Variants in HMCN2 observed in about 807,000 individuals in gnomAD.
HMCN2 encodes the protein hemicentin 2, also known as hemicentin-2.
HMCN2 carries 325 observed loss-of-function variants against 377.5 expected under a neutral mutation model. The ratio of observed to expected loss-of-function variants is 0.86; its 90% confidence interval spans 0.79 to 0.94. The LOEUF (loss-of-function observed/expected upper bound fraction) is 0.94, where lower values mean the gene tolerates loss of function less well. Among genes scored for constraint, HMCN2 ranks in the 40% least tolerant of loss-of-function variants. The pLI is 0.00. For missense variants in HMCN2, 4,543 were observed against 4,725.3 expected, an observed-to-expected ratio of 0.96 and a Z score of 1.13; for synonymous variants, 2,007 against 2,046.8, an observed-to-expected ratio of 0.98 and a Z score of 0.53.
chr9:130,400,145 C>G (rs143923739), intron 76 of HMCN2: 3 of 152,524 alleles, frequency 2.0e-5, no homozygotes, highest in African/African-American at 7.2e-5. Context: ...CCCTTCAGAT[C>G]GCAGGTTAAA....
chr9:130,265,956 C>T lies in HMCN2; in HGVS notation c.78C>T (p.Pro26=), dbSNP rs558111121. The T allele has an allele frequency of 2.0e-5, 9 of 454,692 alleles. No individual in the cohort carries two copies. The highest frequency in any genetic ancestry group is 9.7e-5 in the Admixed American group (4 of 41,256). The allele number at this position is 454,692 out of a possible 1,614,324, so 28.2% of individuals were successfully genotyped here. A position where few individuals can be genotyped will look rare whatever the true frequency, so the allele number is the denominator to read the frequency against. The stretch of plus-strand genomic sequence containing the variant: ...TGGCAGTGGCAGTGGCCGGGGCGCC[C>T]GGGACGGTAATGCCCCCCACCACGG... ...AAVAVAVAGA[P]GTVMPPTTGD... The change falls in exon 1 of 98, where the codon CCC becomes CCT. Residue 26 remains proline, a synonymous_variant. Transcript: ENST00000683500.
At chr9:130,334,745 TTTCTCTCTCTCTCTTC>T (rs1838636568) in intron 22 of HMCN2, among the ~76,000 whole-genome samples, 69 of 118,938 alleles carry the variant, frequency 5.8e-4, no homozygotes, top group African/African-American at 2.0e-3. Flanking sequence ...TCTCTTTCTC[TTTCTCTCTCTCTCTTC>T]TCTCTCTCTC....
At chr9:130,433,272 G>A (rs1844870448) in intron 97 of HMCN2, 76 bp from the exon 98 acceptor site, 1 of 1,199,340 alleles carries the variant, frequency 8.3e-7, no homozygotes, top group Non-Finnish European at 1.1e-6. Context: ...TGGCAGGGAG[G>A]TCTGAGTTAC....
intron 85 of HMCN2, among the ~76,000 whole-genome samples, chr9:130,416,604 G>A (rs930264114): frequency 1.3e-5 from 2 of 152,134 alleles, no homozygotes; most frequent in East Asian, 1.9e-4. Flanking sequence ...AGTGATGGGC[G>A]GTTAAGAACA....
chr9:130,266,427 T>C (rs889225380), intron 1 of HMCN2, among the ~76,000 whole-genome samples: 1 of 152,030 alleles, frequency 6.6e-6, no homozygotes, highest in South Asian at 2.1e-4. Context: ...TTCCCGCGCC[T>C]TACCGGCCCC....
At chr9:130,370,819 G>C (rs1470925078) in intron 45 of HMCN2, 145 bp from the exon 46 acceptor site, 1 of 370,690 alleles carries the variant, frequency 2.7e-6, no homozygotes, top group Non-Finnish European at 3.7e-6. Flanking sequence ...CTCACTTTAG[G>C]GGGAGCAGCT....
At position 130,433,724 on chromosome 9, in the gene HMCN2, G is replaced by A; in HGVS notation, c.*31G>A. The A allele has an allele frequency of 1.4e-6, 2 of 1,410,366 alleles. No homozygotes were observed. The highest frequency in any genetic ancestry group is 1.9e-6 in the Non-Finnish European group (2 of 1,079,832). The allele number at this position is 1,410,366 out of a possible 1,614,324, so 87.4% of individuals were successfully genotyped here. On this transcript the variant is annotated 3_prime_UTR_variant, in exon 98 of 98. Coordinates refer to ENST00000683500, the MANE Select transcript of HMCN2 (RefSeq NM_001291815.2). ...AGAGGGCATTGGCGGCCGCCCTGGC[G>A]TGACCCCCGAGGAAGGGGTCGAGGA...
Position 130,368,315 on chromosome 9 carries a change from T to C in HMCN2, c.6665T>C (p.Val2222Ala). The C allele has an allele frequency of 1.0e-6, 1 of 985,690 alleles. No homozygotes were observed. Among genetic ancestry groups the C allele is most frequent in the Non-Finnish European group, 1.2e-6 (1 of 829,888 alleles). 61.1% of individuals were successfully genotyped at this position (985,690 alleles called of 1,614,324 possible). The change falls in exon 44 of 98, where the codon GTG (valine) becomes GCG (alanine). Residue 2222 changes from valine to alanine, a missense_variant. Transcript: ENST00000683500. Reference protein sequence around the residue: ...LPGEGAGLQHVSAVGRLLYLG... With the variant: ...LPGEGAGLQHASAVGRLLYLG... ...GGGGAGGGGGCTGGCCTCCAGCACG[T>C]GTCGGCTGTGGGGAGGCTGTTGTAC...
At chr9:130,295,377 G>A (rs373110635) in intron 5 of HMCN2, among the ~76,000 whole-genome samples, 1 of 152,070 alleles carries the variant, frequency 6.6e-6, no homozygotes, top group African/African-American at 2.4e-5. Flanking sequence ...TGCTCATCAA[G>A]GTCAACAGAG....
Position 130,303,602 on chromosome 9 carries a change from G to A in HMCN2, c.1537G>A (p.Val513Ile), listed in dbSNP as rs1836651931. Residue 513 changes from valine (V) to isoleucine (I), a missense_variant, in exon 10 of 98, where the codon GTC (valine) becomes ATC (isoleucine). Transcript: ENST00000683500. The surrounding 1 kb of genome is among the most constrained non-coding windows in gnomAD (Gnocchi z 5.2). ...GTGRAKAQIV[V>I]TDPPPQLVPA... is the part of the protein sequence containing the mutation. The stretch of plus-strand genomic sequence containing the variant: ...CGGGCGAGCAAAGGCCCAGATTGTT[G>A]TCACAGGTCTGTCCCTTGGGGCCCC... The A allele has an allele frequency of 6.1e-6, 2 of 329,600 alleles. No individual in the cohort carries two copies. The highest frequency in any genetic ancestry group is 2.3e-5 in the South Asian group (1 of 43,976). 20.4% of individuals were successfully genotyped at this position (329,600 alleles called of 1,614,324 possible).
chr9:130,373,549 T>C (rs2131604881), intron 48 of HMCN2, among the ~76,000 whole-genome samples: 1 of 134,936 alleles, frequency 7.4e-6, no homozygotes, highest in South Asian at 2.4e-4. Context: ...AGGCTCCCAT[T>C]CGTGCTTATG....
chr9:130,313,774 C>CG (rs1837398329), intron 15 of HMCN2, among the ~76,000 whole-genome samples: 1 of 81,558 alleles, frequency 1.2e-5, no homozygotes, highest in South Asian at 5.0e-4. Flanking sequence ...TGTGTGTCCT[C>CG]TTTTTTTTTT....
Position 130,310,064 on chromosome 9 carries a change from G to C in HMCN2, c.2350+3G>C. The C allele has an allele frequency of 1.9e-6, 1 of 530,682 alleles. No homozygotes were observed. Among genetic ancestry groups the C allele is most frequent in the Non-Finnish European group, 3.9e-6 (1 of 257,944 alleles). The allele number at this position is 530,682 out of a possible 1,614,324, so 32.9% of individuals were successfully genotyped here. A position where few individuals can be genotyped will look rare whatever the true frequency, so the allele number is the denominator to read the frequency against. On this transcript the variant is annotated splice_donor_region_variant and intron_variant, in intron 15 of 97. Coordinates refer to ENST00000683500, the MANE Select transcript of HMCN2 (RefSeq NM_001291815.2). ...AGAAATCCAGCTGGCGGTTGGACGT[G>C]AGTGTATACCTTGTCTCCCCCTCCC...
rs953370117 is a variant in HMCN2, at chr9:130,391,477, G to C, written c.9855G>C (p.Val3285=). ...LRFYLDGGSL[V]LKGLRASDAG... ...TCTACCTGGACGGCGGCTCCCTGGT[G>C]CTAAAAGGCCTGAGGGCCTCGGACG... Residue 3285 remains valine (V), a synonymous_variant, in exon 65 of 98, where the codon GTG becomes GTC. Transcript: ENST00000683500. The C allele has an allele frequency of 3.5e-5, 35 of 987,798 alleles. No homozygotes were observed. The highest frequency in any genetic ancestry group is 7.0e-5 in the African/African-American group (4 of 57,316). The allele number at this position is 987,798 out of a possible 1,614,324, so 61.2% of individuals were successfully genotyped here.
chr9:130,385,393 C>A (rs551606645), intron 59 of HMCN2, among the ~76,000 whole-genome samples, 167 bp from the exon 60 acceptor site: 1 of 151,970 alleles, frequency 6.6e-6, no homozygotes, highest in African/African-American at 2.4e-5. Flanking sequence ...GGGTCCTTGG[C>A]GTGCTGGCCT....
At position 130,428,607 on chromosome 9, in the gene HMCN2, C is replaced by T. The variant is rs1844536561; in HGVS notation, c.14197+118C>T. 2 of 1,365,962 alleles carry T rather than the reference C, an allele frequency of 1.5e-6. No homozygotes were observed. Among genetic ancestry groups the T allele is most frequent in the Admixed American group, 2.1e-5 (1 of 46,532 alleles). The allele number at this position is 1,365,962 out of a possible 1,614,324, so 84.6% of individuals were successfully genotyped here. Reference sequence around the variant, plus strand: ...CTGGGCTTCCAGGAAGACTGGGACTCTTGGCAGAAGGAGTACAGCAAGGCT... The same window carrying T: ...CTGGGCTTCCAGGAAGACTGGGACTTTTGGCAGAAGGAGTACAGCAAGGCT... On this transcript the variant is annotated intron_variant, in intron 93 of 97. Coordinates refer to ENST00000683500, the MANE Select transcript of HMCN2 (RefSeq NM_001291815.2). This position sits in a 1 kb window ranked among gnomAD's most constrained non-coding sequence, Gnocchi z 5.0.
Position 130,355,050 on chromosome 9 carries a change from C to A in HMCN2, c.5146+6C>A. ...GTACTCCGTGGAGGTTCAGGGTGAG[C>A]CCGGCCCACCCCACTCAGAGCTGCC... On this transcript the variant is annotated splice_donor_region_variant and intron_variant, in intron 32 of 97. Transcript: ENST00000683500. 7.9e-7 allele frequency: 1 copy of A among 1,265,466 alleles called. No homozygotes were observed. The highest frequency in any genetic ancestry group is 2.4e-5 in the Admixed American group (1 of 42,518). The allele number at this position is 1,265,466 out of a possible 1,614,324, so 78.4% of individuals were successfully genotyped here.
intron 1 of HMCN2, among the ~76,000 whole-genome samples, chr9:130,269,346 A>G (rs1834287282): frequency 7.2e-6 from 1 of 138,216 alleles, no homozygotes. Context: ...CAGTGTTTCT[A>G]TATTAAAATG....
intron 19 of HMCN2, among the ~76,000 whole-genome samples, chr9:130,322,426 C>T (rs1837908287): frequency 6.6e-6 from 1 of 151,916 alleles, no homozygotes; most frequent in Non-Finnish European, 1.5e-5. Flanking sequence ...TATTTAAAAA[C>T]CAAATAGGAT....
Sources: allele counts gnomAD v4.1 joint callset (sites outside exome capture counted in the v4.1 genomes callset), GRCh38; gene constraint gnomAD v4.1.1; non-coding constraint Gnocchi (gnomAD v3.1); transcripts MANE v1.5; gene names NCBI Gene and HGNC (gene_info 2026-07-23, HGNC 2026-07-21).